The following IL6ST variants were observed in gnomAD, a reference collection of about 807,000 sequenced individuals.
IL6ST encodes interleukin-6 receptor subunit beta.
In IL6ST, 24 loss-of-function variants were observed where a neutral mutation model predicts 91.3. That is an observed-to-expected ratio of 0.26 (90% confidence interval 0.19 to 0.37). The LOEUF is 0.37. Among genes scored for constraint, IL6ST ranks in the 10% least tolerant of loss-of-function variants. IL6ST has a pLI of 1.00. For missense variants in IL6ST, 914 were observed against 1,078.5 expected (o/e 0.85, Z 2.14); for synonymous variants, 351 against 373.6 (o/e 0.94, Z 0.70).
At chr5:55,967,713 T>A (rs891932935) in intron 5 of IL6ST, among the ~76,000 whole-genome samples, 10 of 152,156 alleles carry the variant, frequency 6.6e-5, no homozygotes, top group Admixed American at 2.6e-4. Flanking sequence ...ACCTTTGAAA[T>A]AAGACTGGTC....
At position 55,941,124 on chromosome 5, in the gene IL6ST, G is replaced by A. The variant is rs1167421792; in HGVS notation, c.2715C>T (p.Tyr905=). Residue 905 remains tyrosine (Y), a synonymous_variant, in exon 17 of 17, where the codon TAC becomes TAT. Transcript: ENST00000381298. ...CGCCTTGCCGTACAGTCTGTGGTAA[G>A]TAACTTTTAGGCATGCCTTCATCAG... ...AATDEGMPKS[Y]LPQTVRQGGY... 2 of 1,614,042 alleles carry A rather than the reference G, an allele frequency of 1.2e-6. No individual in the cohort carries two copies. Among genetic ancestry groups the A allele is most frequent in the East Asian group, 2.2e-5 (1 of 44,886 alleles).
Position 55,940,384 on chromosome 5 carries a change from AT to A in IL6ST, c.*697del. 1 of 208,994 alleles carries A rather than the reference AT, an allele frequency of 4.8e-6. No individual in the cohort carries two copies. The highest frequency in any genetic ancestry group is 5.9e-5 in the Admixed American group (1 of 16,946). 12.9% of individuals were successfully genotyped at this position (208,994 alleles called of 1,614,324 possible). On this transcript the variant is annotated 3_prime_UTR_variant, in exon 17 of 17. Coordinates refer to ENST00000381298, the MANE Select transcript of IL6ST (RefSeq NM_002184.4). ...CAAAGAGGTTGTCAATAATATGCAA[AT>A]TTTTGAAAACTAGTGAGATTACTAA... is the stretch of plus-strand genomic sequence containing the variant.
Position 55,941,546 on chromosome 5 carries a change from T to C in IL6ST, c.2293A>G (p.Ser765Gly). 11 of 1,614,180 alleles carry C rather than the reference T, an allele frequency of 6.8e-6. No homozygotes were observed. The highest frequency in any genetic ancestry group is 1.6e-4 in the Middle Eastern group (1 of 6,062). Residue 765 changes from serine to glycine, a missense_variant, in exon 17 of 17, where the codon AGT (serine) becomes GGT (glycine). Ser to Gly is a moderately conservative substitution (Grantham distance 56). Transcript: ENST00000381298. ...STVQYSTVVH[S>G]GYRHQVPSVQ... ...GACGGAACTTGGTGTCTGTAGCCACTGTGTACCACGGTAGAATACTGGACA... is the reference window on the plus strand; with the variant it reads ...GACGGAACTTGGTGTCTGTAGCCACCGTGTACCACGGTAGAATACTGGACA...
In IL6ST at chr5:55,956,249, G is replaced by T. The variant is rs1184163879; in HGVS notation, c.1057-14C>A. On this transcript the variant is annotated splice_polypyrimidine_tract_variant and intron_variant, in intron 9 of 16. Transcript: ENST00000381298. ...AGGAGGCAATGTCTGTAATAAAATA[G>T]TTTATTTTTAAAAATAATCTCATAA... 8.4e-6 allele frequency: 12 copies of T among 1,427,576 alleles called. No individual in the cohort carries two copies. In the Middle Eastern group the frequency reaches 1.6e-3, roughly 187 times the overall value. The allele number at this position is 1,427,576 out of a possible 1,614,324, so 88.4% of individuals were successfully genotyped here. A position where few individuals can be genotyped will look rare whatever the true frequency, so the allele number is the denominator to read the frequency against.
Position 55,952,357 on chromosome 5 carries a change from G to T in IL6ST, c.1451-6C>A. On this transcript the variant is annotated splice_region_variant and splice_polypyrimidine_tract_variant and intron_variant, in intron 11 of 16. Coordinates refer to ENST00000381298, the MANE Select transcript of IL6ST (RefSeq NM_002184.4). The stretch of plus-strand genomic sequence containing the variant: ...TTTGCTCTCTGCTAAGTTCCCTAAA[G>T]CAAGAATAGCAGATTAAGCATGTTT... 1 of 1,467,034 alleles carries T rather than the reference G, an allele frequency of 6.8e-7. No individual in the cohort carries two copies. The highest frequency in any genetic ancestry group is 9.5e-7 in the Non-Finnish European group (1 of 1,057,664). 90.9% of individuals were successfully genotyped at this position (1,467,034 alleles called of 1,614,324 possible).
At chr5:55,961,341 G>A (rs1317050220) in intron 7 of IL6ST, among the ~76,000 whole-genome samples, 1 of 152,168 alleles carries the variant, frequency 6.6e-6, no homozygotes, top group Non-Finnish European at 1.5e-5. Context: ...AGACAGTGCA[G>A]TTAGTACTCT....
At chr5:55,992,405 T>C (rs925876211) in intron 1 of IL6ST, among the ~76,000 whole-genome samples, 1 of 152,154 alleles carries the variant, frequency 6.6e-6, no homozygotes, top group Non-Finnish European at 1.5e-5. Context: ...GACCTTTAGA[T>C]CTACCACTTA....
At chr5:55,956,431 C>G (rs1751978425) in intron 9 of IL6ST, among the ~76,000 whole-genome samples, 196 bp from the exon 10 acceptor site, 1 of 152,090 alleles carries the variant, frequency 6.6e-6, no homozygotes, top group Admixed American at 6.5e-5. Flanking sequence ...AGCATGACCT[C>G]AACTAAAAAA....
chr5:55,975,123 G>C (rs990858980), intron 3 of IL6ST, among the ~76,000 whole-genome samples: 8 of 152,058 alleles, frequency 5.3e-5, no homozygotes, highest in Non-Finnish European at 7.4e-5. Flanking sequence ...GTTGGGACTA[G>C]AGGCATGATA....
intron 14 of IL6ST, among the ~76,000 whole-genome samples, chr5:55,950,640 GA>G (rs1751579562): frequency 6.6e-6 from 1 of 150,380 alleles, no homozygotes; most frequent in Non-Finnish European, 1.5e-5. Flanking sequence ...AGTATGGTTA[GA>G]AAACCCAAGG....
chr5:55,936,021 A>C lies in IL6ST; in HGVS notation c.*5061T>G, dbSNP rs1371769135. The stretch of plus-strand genomic sequence containing the variant: ...CCAAAGCTGACATGTTATTTCTATA[A>C]ACTCTGGTATATATGTGAAGGAGTT... On this transcript the variant is annotated 3_prime_UTR_variant, in exon 17 of 17. Transcript: ENST00000381298. The C allele has an allele frequency of 4.4e-6, 1 of 226,314 alleles. No individual in the cohort carries two copies. Among genetic ancestry groups the C allele is most frequent in the Non-Finnish European group, 8.8e-6 (1 of 113,770 alleles). 14.0% of individuals were successfully genotyped at this position (226,314 alleles called of 1,614,324 possible).
chr5:55,990,548 T>C lies in IL6ST; in HGVS notation c.-104+4236A>G, dbSNP rs566968917. On this transcript the variant is annotated intron_variant, in intron 1 of 16. Coordinates refer to ENST00000381298, the MANE Select transcript of IL6ST (RefSeq NM_002184.4). ...TCGACTTTTCTTTTTAAATACCAAC[T>C]TCTTTGAAGACATGACTTCAACTAC... 4.9e-4 allele frequency among the ~76,000 whole-genome samples: 75 copies of C among 152,342 alleles called. 2 individuals are homozygous for C. In the South Asian group the frequency reaches 0.015, roughly 31 times the overall value.
intron 16 of IL6ST, among the ~76,000 whole-genome samples, chr5:55,942,416 AC>A (rs1750976266): frequency 1.3e-5 from 2 of 152,218 alleles, no homozygotes; most frequent in African/African-American, 4.8e-5. Flanking sequence ...TGTAATGTGT[AC>A]TAAACAATTT....
chr5:55,941,354 A>C lies in IL6ST; in HGVS notation c.2485T>G (p.Ser829Ala). The C allele has an allele frequency of 6.2e-7, 1 of 1,614,158 alleles. No homozygotes were observed. Among genetic ancestry groups the C allele is most frequent in the South Asian group, 1.1e-5 (1 of 91,082 alleles). Residue 829 changes from serine (S) to alanine (A), a missense_variant, in exon 17 of 17, where the codon TCA becomes GCA. By Grantham distance (99) the Ser-to-Ala change is moderately conservative. Coordinates refer to ENST00000381298, the MANE Select transcript of IL6ST (RefSeq NM_002184.4). ...ACTTGCTTTGACCTTTCAAAATGTG[A>C]AATATCTGGACTGGATTCATGCTGA... ...CSQHESSPDI[S>A]HFERSKQVSS...
At position 55,940,177 on chromosome 5, in the gene IL6ST, T is replaced by A. The variant is rs1750806207; in HGVS notation, c.*905A>T. On this transcript the variant is annotated 3_prime_UTR_variant, in exon 17 of 17. Coordinates refer to ENST00000381298, the MANE Select transcript of IL6ST (RefSeq NM_002184.4). ...TACACACATTAGCAATTTAAGCCTTTTAACATGCCAATTTTTTAGATGCTT... is the reference window on the plus strand; with the variant it reads ...TACACACATTAGCAATTTAAGCCTTATAACATGCCAATTTTTTAGATGCTT... 4.8e-6 allele frequency: 1 copy of A among 206,356 alleles called. No individual in the cohort carries two copies. The highest frequency in any genetic ancestry group is 2.3e-5 in the African/African-American group (1 of 43,788). The allele number at this position is 206,356 out of a possible 1,614,324, so 12.8% of individuals were successfully genotyped here. A position where few individuals can be genotyped will look rare whatever the true frequency, so the allele number is the denominator to read the frequency against.
intron 8 of IL6ST, among the ~76,000 whole-genome samples, chr5:55,959,344 C>G (rs1561174430): frequency 1.3e-5 from 2 of 152,092 alleles, no homozygotes; most frequent in East Asian, 1.9e-4. Flanking sequence ...TTGATGTTCT[C>G]AAGTCACATG....
At chr5:55,944,916 T>C (rs933789359) in intron 15 of IL6ST, among the ~76,000 whole-genome samples, 3 of 152,016 alleles carry the variant, frequency 2.0e-5, no homozygotes, top group African/African-American at 7.3e-5. Context: ...AAAAACAAAA[T>C]GCCCATGTTG....
At chr5:55,953,535 A>G (rs1459239478) in intron 11 of IL6ST, among the ~76,000 whole-genome samples, 3 of 152,106 alleles carry the variant, frequency 2.0e-5, no homozygotes, top group Non-Finnish European at 4.4e-5. Context: ...GATTACAGGC[A>G]TGTGCCACCA....
chr5:55,969,985 C>T (rs1002444285), intron 3 of IL6ST, 130 bp from the exon 4 acceptor site: 36 of 555,080 alleles, frequency 6.5e-5, no homozygotes, highest in Non-Finnish European at 1.1e-4. Context: ...CAGAAAAAGA[C>T]AATACACAAC....
Sources: allele counts gnomAD v4.1 joint callset (sites outside exome capture counted in the v4.1 genomes callset), GRCh38; gene constraint gnomAD v4.1.1; transcripts MANE v1.5; gene names NCBI Gene and HGNC (gene_info 2026-07-23, HGNC 2026-07-21).